The following EVA1A variants were observed in gnomAD, a reference collection of about 807,000 sequenced individuals.
The protein encoded by EVA1A is eva-1 homolog A, regulator of programmed cell death.
EVA1A carries 7 observed loss-of-function variants against 9.8 expected under a neutral mutation model. The observed-to-expected ratio is 0.71, with a 90% CI of 0.41 to 1.34. The LOEUF is 1.34. Ranked by LOEUF, EVA1A falls within the 40% of genes most tolerant of loss-of-function variation. The pLI is 0.01. For synonymous variants in EVA1A, 90 were observed against 85.6 expected, an observed-to-expected ratio of 1.05 and a Z score of -0.28; for missense variants, 206 against 205.9, an observed-to-expected ratio of 1.00 and a Z score of 0.00.
intron 1 of EVA1A, among the ~76,000 whole-genome samples, chr2:75,530,938 A>G (rs980151401): frequency 7.2e-5 from 11 of 152,186 alleles, no homozygotes; most frequent in South Asian, 2.1e-4. Flanking sequence ...AGGTCATTCA[A>G]ATTGGTAAAG....
intron 1 of EVA1A, among the ~76,000 whole-genome samples, chr2:75,568,739 C>T (rs1186417295): frequency 6.6e-6 from 1 of 152,222 alleles, no homozygotes; most frequent in East Asian, 1.9e-4. Flanking sequence ...AGTTACTTCA[C>T]TTAGAATAAT....
chr2:75,544,648 T>C (rs868305545), intron 1 of EVA1A, among the ~76,000 whole-genome samples: 1 of 152,180 alleles, frequency 6.6e-6, no homozygotes, highest in Non-Finnish European at 1.5e-5. Flanking sequence ...ATAATTAACC[T>C]CTCATGATGA....
At position 75,493,222 on chromosome 2, in the gene EVA1A, G is replaced by A. The variant is rs1437169999; in HGVS notation, c.*14C>T. The A allele has an allele frequency of 1.3e-6, 2 of 1,596,572 alleles. No homozygotes were observed. The highest frequency in any genetic ancestry group is 1.7e-5 in the Admixed American group (1 of 58,774). ...CCAGGCGGCCTCCAGTGGTTTCCGG[G>A]GTCCTGCTGCTCCCTAATAGTAGCG... On this transcript the variant is annotated 3_prime_UTR_variant, in exon 4 of 4. Coordinates refer to ENST00000393913, the MANE Select transcript of EVA1A (RefSeq NM_001135032.2).
chr2:75,521,449 G>A (rs1675226664), intron 2 of EVA1A, among the ~76,000 whole-genome samples: 1 of 152,180 alleles, frequency 6.6e-6, no homozygotes, highest in African/African-American at 2.4e-5. Context: ...TCCATCCACA[G>A]ATGGATGAAT....
At position 75,518,226 on chromosome 2, in the gene EVA1A, G is replaced by A. The variant is rs980389589; in HGVS notation, c.-68-18C>T. On this transcript the variant is annotated intron_variant, in intron 2 of 3. Transcript: ENST00000393913. ...CTTCTCTTCTGTTTGGGAACATAAA[G>A]TGAGTGATAAGAAACATTCTGCTGT... 3 of 1,556,736 alleles carry A rather than the reference G, an allele frequency of 1.9e-6. No individual in the cohort carries two copies. Among genetic ancestry groups the A allele is most frequent in the African/African-American group, 1.4e-5 (1 of 73,030 alleles).
intron 1 of EVA1A, among the ~76,000 whole-genome samples, chr2:75,567,317 T>A (rs1677046926): frequency 6.6e-6 from 1 of 152,188 alleles, no homozygotes; most frequent in South Asian, 2.1e-4. Flanking sequence ...CATAAGAGTT[T>A]GGAATAAAGT....
intron 2 of EVA1A, among the ~76,000 whole-genome samples, chr2:75,520,787 C>T (rs1675204251): frequency 6.6e-6 from 1 of 150,904 alleles, no homozygotes; most frequent in South Asian, 2.2e-4. Flanking sequence ...TTGGATTTGA[C>T]AATGATTTCT....
At chr2:75,533,258 A>G (rs1376048207) in intron 1 of EVA1A, among the ~76,000 whole-genome samples, 1 of 152,194 alleles carries the variant, frequency 6.6e-6, no homozygotes, top group African/African-American at 2.4e-5. Context: ...TAGGGAAAAA[A>G]CAATTCAGAA....
Position 75,538,278 on chromosome 2 carries a change from G to A in EVA1A, c.-191-15791C>T, listed in dbSNP as rs576576558. ...CCACTGCACTCCAGCCTGGGTGACA[G>A]AGCGAGACTCCATTCCCACCAACAA... On this transcript the variant is annotated intron_variant, in intron 1 of 3. Coordinates refer to ENST00000393913, the MANE Select transcript of EVA1A (RefSeq NM_001135032.2). Among the ~76,000 whole-genome samples, 5 of 152,290 alleles carry A rather than the reference G, an allele frequency of 3.3e-5. No individual in the cohort carries two copies. In the East Asian group the frequency reaches 9.6e-4, roughly 29 times the overall value.
rs544449808 is a variant in EVA1A, at chr2:75,506,150, C to G, written c.85+11906G>C. 1.0e-3 allele frequency among the ~76,000 whole-genome samples: 158 copies of G among 152,310 alleles called. 3 individuals carry two copies. Among genetic ancestry groups the G allele is most frequent in the African/African-American group, 3.7e-3 (154 of 41,572 alleles). ...GAAAGTGCCACAGTTTACAAAAACT[C>G]CTTCCTGCCTTTGGATATTTAGGTT... On this transcript the variant is annotated intron_variant, in intron 3 of 3. Transcript: ENST00000393913.
At chr2:75,510,613 C>A (rs1274788041) in intron 3 of EVA1A, among the ~76,000 whole-genome samples, 1 of 152,162 alleles carries the variant, frequency 6.6e-6, no homozygotes, top group Non-Finnish European at 1.5e-5. Context: ...GTTACACATT[C>A]AATGAATATT....
intron 1 of EVA1A, among the ~76,000 whole-genome samples, chr2:75,568,903 A>C (rs1226281695): frequency 1.3e-5 from 2 of 152,178 alleles, no homozygotes; most frequent in Admixed American, 6.5e-5. Flanking sequence ...CTATGCTTTC[A>C]CATCTTTGCA....
chr2:75,522,066 G>T (rs199597094), intron 2 of EVA1A, among the ~76,000 whole-genome samples: 1 of 152,066 alleles, frequency 6.6e-6, no homozygotes, highest in Non-Finnish European at 1.5e-5. Flanking sequence ...TTAAAAATTG[G>T]ATTGTAAATA....
chr2:75,506,124 T>G (rs1674612429), intron 3 of EVA1A, among the ~76,000 whole-genome samples: 1 of 152,238 alleles, frequency 6.6e-6, no homozygotes, highest in Admixed American at 6.5e-5. Flanking sequence ...TTCTTCCCAG[T>G]GAAAGTGCCA....
intron 3 of EVA1A, among the ~76,000 whole-genome samples, chr2:75,516,565 G>C (rs1675012212): frequency 6.6e-6 from 1 of 152,158 alleles, no homozygotes; most frequent in Admixed American, 6.5e-5. Context: ...ACTATTCAAT[G>C]AGTTACCACT....
chr2:75,553,264 T>C (rs2103974595), intron 1 of EVA1A, among the ~76,000 whole-genome samples: 1 of 152,356 alleles, frequency 6.6e-6, no homozygotes, highest in Middle Eastern at 3.4e-3. Flanking sequence ...GTCCCTCCTG[T>C]GGGTGCACAT....
intron 1 of EVA1A, among the ~76,000 whole-genome samples, chr2:75,548,754 C>G (rs76599765): frequency 0.024 from 3,642 of 152,016 alleles, 129 homozygotes; most frequent in African/African-American, 0.076. Context: ...CTCTCTCATT[C>G]CCTCCTAGAG....
chr2:75,503,183 C>T (rs1420761642), intron 3 of EVA1A, among the ~76,000 whole-genome samples: 2 of 152,162 alleles, frequency 1.3e-5, no homozygotes, highest in South Asian at 2.1e-4. Flanking sequence ...ACAGCTGATA[C>T]AATTTATGTC....
chr2:75,551,813 T>C (rs1676533257), intron 1 of EVA1A, among the ~76,000 whole-genome samples: 1 of 152,230 alleles, frequency 6.6e-6, no homozygotes, highest in Non-Finnish European at 1.5e-5. Context: ...TTAGCTATTA[T>C]AATTCCTCTT....
Sources: gnomAD v4.1 joint callset for allele counts (sites outside exome capture counted in the v4.1 genomes callset) on GRCh38, gnomAD v4.1.1 for gene constraint, MANE v1.5 for transcripts, NCBI Gene and HGNC (gene_info 2026-07-23, HGNC 2026-07-21) for gene names.